FAM227B: variants seen among roughly 807,000 people sequenced by gnomAD.
The protein encoded by FAM227B is family with sequence similarity 227 member B, also known as protein FAM227B.
A neutral mutation model predicts 73.8 loss-of-function variants in FAM227B; 88 were observed. The ratio of observed to expected loss-of-function variants is 1.19; its 90% CI spans 1.00 to 1.42. FAM227B has a LOEUF of 1.42. FAM227B is among the 40% of genes most tolerant of loss of function. The pLI is 0.00. For missense variants in FAM227B, 632 were observed against 590.9 expected (o/e 1.07, Z -0.72); for synonymous variants, 210 against 190.5 (o/e 1.10, Z -0.84).
rs1206715347 is a variant in FAM227B at position 49,446,389 on chromosome 15, C to T, written c.1012+61822G>A. Among the ~76,000 whole-genome samples, 7 of 151,522 alleles carry T rather than the reference C, an allele frequency of 4.6e-5. No individual in the cohort carries two copies. The South Asian group carries it at 1.0e-3, about 22-fold the overall frequency. ...CAAAGATAAACAATGTGACTTTTAC[C>T]CTTAATGTACTGCCATAGGAAATAA... On this transcript the variant is annotated intron_variant, in intron 11 of 15. Transcript: ENST00000299338.
chr15:49,579,464 T>G (rs2152383507), intron 5 of FAM227B, among the ~76,000 whole-genome samples: 1 of 152,298 alleles, frequency 6.6e-6, no homozygotes, highest in African/African-American at 2.4e-5. Flanking sequence ...ATTTAGCCAT[T>G]AAACGAATGA....
At chr15:49,376,045 A>C (rs1297916624) in intron 11 of FAM227B, among the ~76,000 whole-genome samples, 1 of 152,072 alleles carries the variant, frequency 6.6e-6, no homozygotes, top group Non-Finnish European at 1.5e-5. Flanking sequence ...TCCTCATTGA[A>C]ACCATGTTTC....
chr15:49,591,049 T>TA (rs2076520706), intron 3 of FAM227B, among the ~76,000 whole-genome samples: 4 of 137,512 alleles, frequency 2.9e-5, no homozygotes, highest in Admixed American at 7.2e-5. Flanking sequence ...TTTTTGATTT[T>TA]TTTTTTTTTT....
intron 13 of FAM227B, among the ~76,000 whole-genome samples, chr15:49,340,380 C>A (rs926880295): frequency 6.6e-6 from 1 of 150,522 alleles, no homozygotes; most frequent in Non-Finnish European, 1.5e-5. Context: ...GCCCCTTGTG[C>A]TTCCTGGGTG....
At chr15:49,588,235 G>T (rs1389902927) in intron 4 of FAM227B, 152 bp from the exon 5 acceptor site, 1 of 397,568 alleles carries the variant, frequency 2.5e-6, no homozygotes, top group Non-Finnish European at 4.2e-6. Context: ...AATACACACT[G>T]TTAGCTGAAT....
chr15:49,471,145 A>G (rs1299716954), intron 11 of FAM227B, among the ~76,000 whole-genome samples: 2 of 152,212 alleles, frequency 1.3e-5, no homozygotes, highest in African/African-American at 4.8e-5. Flanking sequence ...GAAGCCAAGA[A>G]GAAAAATTCT....
At chr15:49,449,369 TA>T (rs2052517846) in intron 11 of FAM227B, among the ~76,000 whole-genome samples, 1 of 152,072 alleles carries the variant, frequency 6.6e-6, no homozygotes, top group African/African-American at 2.4e-5. Flanking sequence ...TTTTAGTATA[TA>T]AAGACAGTTA....
At position 49,327,860 on chromosome 15, in the gene FAM227B, G is replaced by A; in HGVS notation, c.*708C>T. 1 of 1,233,378 alleles carries A rather than the reference G, an allele frequency of 8.1e-7. No individual in the cohort carries two copies. Among genetic ancestry groups the A allele is most frequent in the Non-Finnish European group, 1.1e-6 (1 of 890,016 alleles). The allele number at this position is 1,233,378 out of a possible 1,614,324, so 76.4% of individuals were successfully genotyped here. On this transcript the variant is annotated 3_prime_UTR_variant, in exon 16 of 16. Transcript: ENST00000299338. ...AAACCCCGCATGTATTTTCTTCTTA[G>A]AACTTAGATAGGCTATGTGTTCTAC... is the stretch of plus-strand genomic sequence containing the variant.
intron 11 of FAM227B, among the ~76,000 whole-genome samples, chr15:49,405,077 C>T (rs1226342598): frequency 6.6e-6 from 1 of 152,122 alleles, no homozygotes; most frequent in African/African-American, 2.4e-5. Flanking sequence ...TGAATATTGG[C>T]CCCCAATCTC....
chr15:49,460,103 G>T (rs555035398), intron 11 of FAM227B, among the ~76,000 whole-genome samples: 2 of 152,162 alleles, frequency 1.3e-5, no homozygotes, highest in East Asian at 3.9e-4. Context: ...GACAACCTGT[G>T]CAAGGAATGT....
intron 10 of FAM227B, among the ~76,000 whole-genome samples, chr15:49,510,869 G>GT (rs1196219619): frequency 2.0e-5 from 3 of 151,920 alleles, no homozygotes; most frequent in Non-Finnish European, 4.4e-5. Context: ...CTTAGAATTT[G>GT]TAAGACATTG....
rs2040291408 is a variant in FAM227B, at chr15:49,339,214, T to C, written c.1272-3718A>G. ...ATTCTTTAGCAGAGAAGAGGCATTC[T>C]GGTTTTTGGAATTTTCAGTCTTTTT... is the stretch of plus-strand genomic sequence containing the variant. On this transcript the variant is annotated intron_variant, in intron 13 of 15. Coordinates refer to ENST00000299338, the MANE Select transcript of FAM227B (RefSeq NM_152647.3). Among the ~76,000 whole-genome samples the C allele has an allele frequency of 2.0e-5, 3 of 152,326 alleles. No individual in the cohort carries two copies. The South Asian group carries it at 6.2e-4, about 32-fold the overall frequency.
intron 3 of FAM227B, among the ~76,000 whole-genome samples, chr15:49,597,392 C>G (rs774746475): frequency 2.2e-4 from 34 of 152,000 alleles, no homozygotes; most frequent in Middle Eastern, 3.4e-3. Flanking sequence ...ACAATGAAAT[C>G]AAGATGGAAA....
intron 11 of FAM227B, among the ~76,000 whole-genome samples, chr15:49,407,767 A>G (rs1368106839): frequency 6.6e-6 from 1 of 151,604 alleles, no homozygotes; most frequent in Non-Finnish European, 1.5e-5. Context: ...CCAAAAGTAC[A>G]TGATTGTGTA....
At chr15:49,537,975 T>A (rs953129720) in intron 10 of FAM227B, among the ~76,000 whole-genome samples, 2 of 152,046 alleles carry the variant, frequency 1.3e-5, no homozygotes, top group Non-Finnish European at 2.9e-5. Context: ...AGCAGACATG[T>A]AGGATGAACT....
Position 49,483,393 on chromosome 15 carries a change from A to G in FAM227B, c.1012+24818T>C. ...GATTTTATTAAAACACTTTATACTC[A>G]AACGTTAAGAAAAAATGTTTTCTGT... On this transcript the variant is annotated intron_variant, in intron 11 of 15. Coordinates refer to ENST00000299338, the MANE Select transcript of FAM227B (RefSeq NM_152647.3). 7.0e-6 allele frequency: 4 copies of G among 570,090 alleles called. No individual in the cohort carries two copies. In the South Asian group the frequency reaches 9.2e-5, roughly 13 times the overall value. 35.3% of individuals were successfully genotyped at this position (570,090 alleles called of 1,614,324 possible). A position where few individuals can be genotyped will look rare whatever the true frequency, so the allele number is the denominator to read the frequency against.
At chr15:49,547,774 A>G (rs549718541) in intron 9 of FAM227B, among the ~76,000 whole-genome samples, 1 of 152,370 alleles carries the variant, frequency 6.6e-6, no homozygotes, top group African/African-American at 2.4e-5. Flanking sequence ...GGAAAATGTC[A>G]CAATCCTAAA....
intron 3 of FAM227B, among the ~76,000 whole-genome samples, chr15:49,604,605 A>C (rs184256190): frequency 1.3e-5 from 2 of 151,912 alleles, no homozygotes; most frequent in African/African-American, 2.4e-5. Flanking sequence ...CAATTTAGGA[A>C]TATTTCTATC....
intron 11 of FAM227B, among the ~76,000 whole-genome samples, chr15:49,389,559 C>T (rs538722606): frequency 1.3e-5 from 2 of 151,136 alleles, no homozygotes; most frequent in Non-Finnish European, 3.0e-5. Context: ...GTGATGGGTG[C>T]ACTAAAATCT....
Sources: gnomAD v4.1 joint callset for allele counts (sites outside exome capture counted in the v4.1 genomes callset) on GRCh38, gnomAD v4.1.1 for gene constraint, MANE v1.5 for transcripts, NCBI Gene and HGNC (gene_info 2026-07-23, HGNC 2026-07-21) for gene names.